RASGEF1C: variants seen among roughly 807,000 people sequenced by gnomAD.
The protein encoded by RASGEF1C is RasGEF domain family member 1C, also known as ras-GEF domain-containing family member 1C.
Under a neutral mutation model 58.1 loss-of-function variants are expected in RASGEF1C, and 27 were observed. The ratio of observed to expected loss-of-function variants is 0.46; its 90% CI spans 0.34 to 0.64. The LOEUF is 0.64. RASGEF1C is among the 30% of genes least tolerant of loss of function. RASGEF1C has a pLI of 0.01. For missense variants in RASGEF1C, 502 were observed against 605.1 expected (o/e 0.83, Z 1.79); for synonymous variants, 243 against 246.3 (o/e 0.99, Z 0.13).
intron 4 of RASGEF1C, among the ~76,000 whole-genome samples, chr5:180,131,375 A>C (rs1164376120): frequency 8.9e-5 from 12 of 134,460 alleles, no homozygotes; most frequent in African/African-American, 1.7e-4. Flanking sequence ...CCATGTCCCC[A>C]CTCCCCATGT....
chr5:180,112,773 C>T (rs1293708345), intron 11 of RASGEF1C, among the ~76,000 whole-genome samples: 8 of 152,252 alleles, frequency 5.3e-5, no homozygotes, highest in African/African-American at 1.4e-4. Flanking sequence ...GGTCAGGATA[C>T]GGAGCGGGTC....
intron 6 of RASGEF1C, among the ~76,000 whole-genome samples, chr5:180,123,188 C>T (rs1766203546): frequency 6.6e-6 from 1 of 152,202 alleles, no homozygotes; most frequent in African/African-American, 2.4e-5. Context: ...CAAGTCTTAA[C>T]TTGATTGCAG....
Position 180,137,780 on chromosome 5 carries a change from G to A in RASGEF1C, c.178-68C>T. 1 of 1,606,328 alleles carries A rather than the reference G, an allele frequency of 6.2e-7. No individual in the cohort carries two copies. The highest frequency in any genetic ancestry group is 8.5e-7 in the Non-Finnish European group (1 of 1,176,362). On this transcript the variant is annotated intron_variant, in intron 2 of 13. Transcript: ENST00000361132. The surrounding 1 kb of genome is among the most constrained non-coding windows in gnomAD (Gnocchi z 4.1). The stretch of plus-strand genomic sequence containing the variant: ...CCAGGAGGGGCATGCTTCCCAGCTG[G>A]CCCTGTACCCTGGCCCAAGGTCACG...
At chr5:180,176,556 C>CTT (rs538002188) in intron 1 of RASGEF1C, among the ~76,000 whole-genome samples, 10 of 138,374 alleles carry the variant, frequency 7.2e-5, no homozygotes, top group Non-Finnish European at 1.1e-4. Context: ...AAGGCTAATA[C>CTT]TTTTTTTTTT....
rs1561742155 is a variant in RASGEF1C at position 180,143,197 on chromosome 5, G to A, written c.-6-5139C>T. Among the ~76,000 whole-genome samples the A allele has an allele frequency of 6.6e-6, 1 of 152,138 alleles. No homozygotes were observed. Among genetic ancestry groups the A allele is most frequent in the Non-Finnish European group, 1.5e-5 (1 of 68,006 alleles). On this transcript the variant is annotated intron_variant, in intron 1 of 13. Coordinates refer to ENST00000361132, the MANE Select transcript of RASGEF1C (RefSeq NM_175062.4). The surrounding 1 kb of genome is among the most constrained non-coding windows in gnomAD (Gnocchi z 4.3). The stretch of plus-strand genomic sequence containing the variant: ...GATCCCACGTGCCACCCTGCAGGGG[G>A]GCACTCTGATGCCTGCCAGCACCCA...
intron 1 of RASGEF1C, among the ~76,000 whole-genome samples, chr5:180,150,876 T>C (rs1766735080): frequency 6.6e-6 from 1 of 151,838 alleles, no homozygotes; most frequent in Non-Finnish European, 1.5e-5. Context: ...AGTCTCAGGA[T>C]ACAAAATCAA....
At position 180,121,161 on chromosome 5, in the gene RASGEF1C, A is replaced by G. The variant is rs1433226868; in HGVS notation, c.715-12T>C. 2.1e-5 allele frequency: 33 copies of G among 1,599,772 alleles called. No individual in the cohort carries two copies. The highest frequency in any genetic ancestry group is 2.8e-5 in the Non-Finnish European group (33 of 1,166,982). ...TCACTGAAGCAGGGCTAGAACAAAC[A>G]CAGCACACGGGACCACGTTCTGAGC... On this transcript the variant is annotated splice_polypyrimidine_tract_variant and intron_variant, in intron 6 of 13. Transcript: ENST00000361132.
At chr5:180,174,740 TCAGA>T (rs1322192823) in intron 1 of RASGEF1C, among the ~76,000 whole-genome samples, 2 of 152,140 alleles carry the variant, frequency 1.3e-5, no homozygotes, top group Non-Finnish European at 2.9e-5. Context: ...CAGCCAGCAC[TCAGA>T]CAGCATGCGC....
intron 10 of RASGEF1C, among the ~76,000 whole-genome samples, chr5:180,117,168 C>T (rs1766080807): frequency 6.6e-6 from 1 of 152,220 alleles, no homozygotes; most frequent in Non-Finnish European, 1.5e-5. Context: ...GGGTGCTGCT[C>T]CCCTCTGCAG....
At chr5:180,110,575 T>C (rs1031557817) in intron 12 of RASGEF1C, among the ~76,000 whole-genome samples, 6 of 152,130 alleles carry the variant, frequency 3.9e-5, no homozygotes, top group Non-Finnish European at 7.3e-5. Flanking sequence ...CTTGCTTCTC[T>C]ACCACTTCTG....
Position 180,187,072 on chromosome 5 carries a change from T to C in RASGEF1C, c.-7+21956A>G, listed in dbSNP as rs561079160. 1.4e-3 allele frequency among the ~76,000 whole-genome samples: 219 copies of C among 152,326 alleles called. 1 individual carries two copies. The highest frequency in any genetic ancestry group is 5.1e-3 in the African/African-American group (214 of 41,572). ...AGAACAAAGTTGAAGGACTCACACT[T>C]CCTGATTTCAAAACTTACTACAAAG... On this transcript the variant is annotated intron_variant, in intron 1 of 13. Transcript: ENST00000361132.
At chr5:180,208,423 A>G (rs578103859) in intron 1 of RASGEF1C, among the ~76,000 whole-genome samples, 1 of 152,056 alleles carries the variant, frequency 6.6e-6, no homozygotes, top group African/African-American at 2.4e-5. Context: ...CGCTTTCCCA[A>G]TCTAAATACA....
intron 1 of RASGEF1C, among the ~76,000 whole-genome samples, chr5:180,196,122 G>A (rs1462345022): frequency 2.0e-5 from 3 of 152,114 alleles, no homozygotes; most frequent in African/African-American, 7.2e-5. Flanking sequence ...CTATTCAATA[G>A]AACTCACTAG....
intron 1 of RASGEF1C, among the ~76,000 whole-genome samples, chr5:180,200,307 A>ATTTTTTT (rs1402514785): frequency 1.2e-4 from 3 of 24,828 alleles, no homozygotes; most frequent in East Asian, 1.8e-3. Context: ...AGAGTACATC[A>ATTTTTTT]TTCTTTTTTT....
Position 180,158,577 on chromosome 5 carries a change from C to A in RASGEF1C, c.-6-20519G>T, listed in dbSNP as rs6894856. On this transcript the variant is annotated intron_variant, in intron 1 of 13. Transcript: ENST00000361132. This position sits in a 1 kb window ranked among gnomAD's most constrained non-coding sequence, Gnocchi z 4.0. ...AACTTTGTAGAATTTTCTTTGTTCC[C>A]GTAGGGTGACCTGTCATGCTGGTTT... 0.81 allele frequency among the ~76,000 whole-genome samples: 122,541 copies of A among 152,106 alleles called. 49,806 individuals are homozygous for A. Among genetic ancestry groups the A allele is most frequent in the African/African-American group, 0.88 (36,479 of 41,516 alleles).
intron 1 of RASGEF1C, among the ~76,000 whole-genome samples, chr5:180,161,671 C>T (rs533639276): frequency 2.0e-5 from 3 of 152,368 alleles, no homozygotes; most frequent in Admixed American, 6.5e-5. Context: ...TCCCCAGCCC[C>T]GCGGCTCCTG....
At position 180,143,484 on chromosome 5, in the gene RASGEF1C, C is replaced by T. The variant is rs545772799; in HGVS notation, c.-6-5426G>A. ...TCACCTGCCCCCAGCCAGTTGAAAA[C>T]GTGCCCAAGGGCCCTGCTGTTCCTC... On this transcript the variant is annotated intron_variant, in intron 1 of 13. Transcript: ENST00000361132. This position sits in a 1 kb window ranked among gnomAD's most constrained non-coding sequence, Gnocchi z 4.3. Among the ~76,000 whole-genome samples the T allele has an allele frequency of 2.6e-5, 4 of 152,348 alleles. No homozygotes were observed. Among genetic ancestry groups the T allele is most frequent in the Admixed American group, 6.5e-5 (1 of 15,310 alleles).
chr5:180,153,458 G>C (rs1337742945), intron 1 of RASGEF1C, among the ~76,000 whole-genome samples: 1 of 152,214 alleles, frequency 6.6e-6, no homozygotes, highest in Non-Finnish European at 1.5e-5. Flanking sequence ...GGAGCTGCAA[G>C]CTTTCAAATA....
intron 4 of RASGEF1C, among the ~76,000 whole-genome samples, chr5:180,136,149 C>A (rs1766467288): frequency 6.6e-6 from 1 of 152,246 alleles, no homozygotes; most frequent in Non-Finnish European, 1.5e-5. Context: ...CCCCCCTCAC[C>A]CGCCATCTGA....
Sources: gnomAD v4.1 joint callset for allele counts (sites outside exome capture counted in the v4.1 genomes callset) on GRCh38, gnomAD v4.1.1 for gene constraint, Gnocchi (gnomAD v3.1) non-coding constraint, MANE v1.5 for transcripts, NCBI Gene and HGNC (gene_info 2026-07-23, HGNC 2026-07-21) for gene names.